The following ADAM19 variants were observed in gnomAD, a reference collection of about 807,000 sequenced individuals.
ADAM19 encodes the protein disintegrin and metalloproteinase domain-containing protein 19.
A neutral mutation model predicts 114.7 loss-of-function variants in ADAM19; 65 were observed. The observed-to-expected ratio is 0.57, with a 90% confidence interval of 0.46 to 0.70. ADAM19 has a LOEUF of 0.70. Ranked by LOEUF, ADAM19 falls within the 30% of genes least tolerant of loss-of-function variation. The pLI is 0.00. For missense variants in ADAM19, 1,063 were observed against 1,204.7 expected (o/e 0.88, Z 1.74); for synonymous variants, 466 against 460.5 (o/e 1.01, Z -0.15).
At chr5:157,564,318 G>A (rs974935905) in intron 3 of ADAM19, 55 bp downstream of exon 3, 16 of 1,520,342 alleles carry the variant, frequency 1.1e-5, no homozygotes, top group East Asian at 6.8e-5. Flanking sequence ...ACCTGCGTCC[G>A]GCGTTGACAC....
chr5:157,483,283 C>T (rs1332756078), intron 21 of ADAM19, among the ~76,000 whole-genome samples: 3 of 152,148 alleles, frequency 2.0e-5, no homozygotes, highest in Non-Finnish European at 2.9e-5. Flanking sequence ...GAACTATTTG[C>T]ACACGTGCAC....
In ADAM19 at chr5:157,479,225, C is replaced by A; in HGVS notation, c.*1724G>T. The A allele has an allele frequency of 1.0e-6, 1 of 985,912 alleles. No individual in the cohort carries two copies. The highest frequency in any genetic ancestry group is 1.2e-6 in the Non-Finnish European group (1 of 829,984). 61.1% of individuals were successfully genotyped at this position (985,912 alleles called of 1,614,324 possible). On this transcript the variant is annotated 3_prime_UTR_variant, in exon 23 of 23. Coordinates refer to ENST00000257527, the MANE Select transcript of ADAM19 (RefSeq NM_033274.5). ...GAGATCTTTCTAAACCCAACCCAGG[C>A]TTTTCCCCCAGGGGTACATCCCGTA...
At chr5:157,552,546 G>A (rs1361799006) in intron 3 of ADAM19, among the ~76,000 whole-genome samples, 1 of 151,946 alleles carries the variant, frequency 6.6e-6, no homozygotes. Flanking sequence ...GGGCATGGTG[G>A]TGTGTGCCTG....
intron 13 of ADAM19, 43 bp downstream of exon 13, chr5:157,499,530 C>A: frequency 6.5e-7 from 1 of 1,546,178 alleles, no homozygotes; most frequent in South Asian, 1.1e-5. Flanking sequence ...TGTGGTCCCA[C>A]TGTCAGGCCA....
Position 157,527,412 on chromosome 5 carries a change from G to T in ADAM19, c.407+3395C>A, listed in dbSNP as rs148309903. Among the ~76,000 whole-genome samples, 80 of 152,172 alleles carry T rather than the reference G, an allele frequency of 5.3e-4. No individual in the cohort carries two copies. In the East Asian group the frequency reaches 0.013, roughly 25 times the overall value. On this transcript the variant is annotated intron_variant, in intron 5 of 22. Transcript: ENST00000257527. ...TTTCTAGTAGAGATGGGGTTTCACC[G>T]TGTTAGCCAGGATGGTCTCGATCTC...
chr5:157,574,897 G>A (rs561820843), intron 1 of ADAM19, among the ~76,000 whole-genome samples: 39 of 152,360 alleles, frequency 2.6e-4, no homozygotes, highest in African/African-American at 9.1e-4. Context: ...CGTGGAAAGA[G>A]AGCCCTGGTT....
chr5:157,485,788 A>T (rs1181557577), intron 21 of ADAM19, among the ~76,000 whole-genome samples: 1 of 152,190 alleles, frequency 6.6e-6, no homozygotes, highest in Non-Finnish European at 1.5e-5. Flanking sequence ...GTCTCAGCTC[A>T]AATGTCACCA....
intron 5 of ADAM19, among the ~76,000 whole-genome samples, chr5:157,522,222 A>C (rs1321666294): frequency 6.6e-6 from 1 of 152,246 alleles, no homozygotes; most frequent in African/African-American, 2.4e-5. Flanking sequence ...ATGGGAAAAC[A>C]AAGGCTCAGC....
At chr5:157,498,707 T>A (rs1755448549) in intron 13 of ADAM19, among the ~76,000 whole-genome samples, 1 of 149,902 alleles carries the variant, frequency 6.7e-6, no homozygotes, top group African/African-American at 2.4e-5. Flanking sequence ...TATATATATA[T>A]ATATGGATAT....
chr5:157,488,599 A>G (rs1755034269), intron 20 of ADAM19, 110 bp from the exon 21 acceptor site: 1 of 845,798 alleles, frequency 1.2e-6, no homozygotes, highest in Non-Finnish European at 1.8e-6. Flanking sequence ...ACACCAATCT[A>G]TTAAACCCCT....
At chr5:157,512,512 C>G (rs1755952752) in intron 8 of ADAM19, among the ~76,000 whole-genome samples, 1 of 152,176 alleles carries the variant, frequency 6.6e-6, no homozygotes, top group African/African-American at 2.4e-5. Context: ...ACATGAAAAA[C>G]TACTTTTAAA....
chr5:157,527,075 G>T (rs1756485183), intron 5 of ADAM19, among the ~76,000 whole-genome samples: 1 of 152,148 alleles, frequency 6.6e-6, no homozygotes, highest in Non-Finnish European at 1.5e-5. Flanking sequence ...AAGGAAAGAG[G>T]TTTAATTGAC....
At position 157,499,565 on chromosome 5, in the gene ADAM19, C is replaced by T. The variant is rs371996157; in HGVS notation, c.1398+8G>A. The T allele has an allele frequency of 6.2e-6, 10 of 1,611,660 alleles. No homozygotes were observed. Among genetic ancestry groups the T allele is most frequent in the Non-Finnish European group, 8.5e-6 (10 of 1,178,820 alleles). ...AGGGCCCAAGGCGTGGAGAAAAGGG[C>T]CACTTACCTTACACTGGTGGCAGCA... On this transcript the variant is annotated splice_region_variant and intron_variant, in intron 13 of 22. Transcript: ENST00000257527.
chr5:157,503,056 C>T (rs1182599404), intron 11 of ADAM19, 76 bp from the exon 12 acceptor site: 10 of 1,413,896 alleles, frequency 7.1e-6, no homozygotes, highest in African/African-American at 5.6e-5. Context: ...CGTGCTGTCA[C>T]TCCTGCTACC....
intron 3 of ADAM19, among the ~76,000 whole-genome samples, chr5:157,548,790 C>T (rs955013181): frequency 3.3e-5 from 5 of 152,212 alleles, no homozygotes; most frequent in Non-Finnish European, 7.3e-5. Context: ...CCAGGATAGT[C>T]ATGCTCCATT....
At chr5:157,485,041 T>C (rs1204348707) in intron 21 of ADAM19, among the ~76,000 whole-genome samples, 1 of 152,244 alleles carries the variant, frequency 6.6e-6, no homozygotes, top group Non-Finnish European at 1.5e-5. Context: ...CTCTGGCCCA[T>C]GCTCCCTTCC....
intron 1 of ADAM19, among the ~76,000 whole-genome samples, chr5:157,572,092 T>C (rs1247153859): frequency 6.6e-6 from 1 of 152,054 alleles, no homozygotes; most frequent in African/African-American, 2.4e-5. Context: ...AGTCCTGTTT[T>C]TTTTTTCTTT....
chr5:157,493,180 G>C lies in ADAM19; in HGVS notation c.1704-3C>G, dbSNP rs368489998. Reference sequence around the variant, plus strand: ...GGATCTTCCCACACTTCGCATCTCTGGGCACAAGAGACAGAGAGGGAAGGA... The same window carrying C: ...GGATCTTCCCACACTTCGCATCTCTCGGCACAAGAGACAGAGAGGGAAGGA... On this transcript the variant is annotated splice_region_variant and splice_polypyrimidine_tract_variant and intron_variant, in intron 15 of 22. Coordinates refer to ENST00000257527, the MANE Select transcript of ADAM19 (RefSeq NM_033274.5). The C allele has an allele frequency of 6.2e-7, 1 of 1,612,254 alleles. No individual in the cohort carries two copies. Among genetic ancestry groups the C allele is most frequent in the African/African-American group, 1.3e-5 (1 of 74,896 alleles).
chr5:157,570,803 G>T (rs1757798090), intron 2 of ADAM19, 92 bp downstream of exon 2: 1 of 1,105,014 alleles, frequency 9.0e-7, no homozygotes, highest in African/African-American at 1.5e-5. Context: ...CAGAACTAAT[G>T]GTGATGACTG....
Sources: gnomAD v4.1 joint callset for allele counts (sites outside exome capture counted in the v4.1 genomes callset) on GRCh38, gnomAD v4.1.1 for gene constraint, MANE v1.5 for transcripts, NCBI Gene and HGNC (gene_info 2026-07-23, HGNC 2026-07-21) for gene names.